The following PBK variants were observed in gnomAD, a reference collection of about 807,000 sequenced individuals.
The protein encoded by PBK is lymphokine-activated killer T-cell-originated protein kinase.
Under a neutral mutation model 33.5 loss-of-function variants are expected in PBK, and 22 were observed. The observed-to-expected ratio is 0.66, with a 90% CI of 0.47 to 0.94. The LOEUF (loss-of-function observed/expected upper bound fraction) is 0.94. Ranked by LOEUF, PBK falls within the 40% of genes least tolerant of loss-of-function variation. PBK has a pLI of 0.00. For missense variants in PBK, 376 were observed against 383.4 expected (o/e 0.98, Z 0.16); for synonymous variants, 129 against 123.8 (o/e 1.04, Z -0.28).
chr8:27,834,696 C>A (rs1806194640), intron 1 of PBK, among the ~76,000 whole-genome samples: 1 of 152,182 alleles, frequency 6.6e-6, no homozygotes, highest in South Asian at 2.1e-4. Flanking sequence ...GAGTTCAAGA[C>A]CAGCCTGGCC....
intron 6 of PBK, among the ~76,000 whole-genome samples, chr8:27,816,383 A>G (rs202069584): frequency 2.0e-5 from 1 of 48,900 alleles, no homozygotes; most frequent in Non-Finnish European, 4.5e-5. Flanking sequence ...ATTTATTTTA[A>G]TTTATTTTTT....
intron 1 of PBK, among the ~76,000 whole-genome samples, chr8:27,836,860 C>T (rs1806235850): frequency 6.6e-6 from 1 of 152,178 alleles, no homozygotes; most frequent in South Asian, 2.1e-4. Flanking sequence ...CTCAATGTAC[C>T]ATGTCCTATC....
chr8:27,820,689 C>A lies in PBK; in HGVS notation c.471G>T (p.Leu157=). The A allele has an allele frequency of 6.5e-7, 1 of 1,540,842 alleles. No homozygotes were observed. Among genetic ancestry groups the A allele is most frequent in the Admixed American group, 1.9e-5 (1 of 52,872 alleles). The change falls in exon 6 of 8, where the codon CTG becomes CTT. Residue 157 remains leucine, a synonymous_variant. Coordinates refer to ENST00000301905, the MANE Select transcript of PBK (RefSeq NM_018492.4). ...CATGAAGCAGTTTCTTTTCTTGGTGCAGATACTAAAATAGTAAAAAATTTA... is the reference window on the plus strand; with the variant it reads ...CATGAAGCAGTTTCTTTTCTTGGTGAAGATACTAAAATAGTAAAAAATTTA... ...ALNMARGLKY[L]HQEKKLLHGD... is the part of the protein sequence containing the mutation.
intron 6 of PBK, among the ~76,000 whole-genome samples, chr8:27,812,921 A>C (rs544292805): frequency 6.6e-6 from 1 of 152,324 alleles, no homozygotes; most frequent in African/African-American, 2.4e-5. Flanking sequence ...GCAATCCCTC[A>C]AGGATCTAGA....
intron 3 of PBK, 132 bp downstream of exon 3, chr8:27,827,973 T>A: frequency 1.9e-6 from 1 of 527,852 alleles, no homozygotes; most frequent in Admixed American, 3.0e-5. Context: ...GGGACCGGAA[T>A]ACAGCCATCA....
In PBK at chr8:27,832,263, C is replaced by T. The variant is rs138014340; in HGVS notation, c.58+793G>A. Reference sequence around the variant, plus strand: ...CTCTACAAAGTTCAATACCCACTCACGATAATAACTAGAAATAGAAGAAAA... The same window carrying T: ...CTCTACAAAGTTCAATACCCACTCATGATAATAACTAGAAATAGAAGAAAA... On this transcript the variant is annotated intron_variant, in intron 2 of 7. Transcript: ENST00000301905. Among the ~76,000 whole-genome samples the T allele has an allele frequency of 2.3e-3, 354 of 152,184 alleles. 5 individuals are homozygous for T. Among genetic ancestry groups the T allele is most frequent in the Non-Finnish European group, 2.5e-3 (170 of 68,000 alleles).
At chr8:27,819,716 A>G (rs1037179136) in intron 6 of PBK, among the ~76,000 whole-genome samples, 1 of 152,240 alleles carries the variant, frequency 6.6e-6, no homozygotes, top group Non-Finnish European at 1.5e-5. Context: ...TGTTTGCTCT[A>G]TTAAGCATTG....
At chr8:27,822,773 T>G (rs1805954711) in intron 4 of PBK, among the ~76,000 whole-genome samples, 2 of 152,154 alleles carry the variant, frequency 1.3e-5, no homozygotes, top group African/African-American at 4.8e-5. Context: ...TCCAGGAAAT[T>G]ACCTAAATGG....
At position 27,810,076 on chromosome 8, in the gene PBK, G is replaced by C; in HGVS notation, c.*229C>G. The C allele has an allele frequency of 2.0e-6, 1 of 496,932 alleles. No individual in the cohort carries two copies. Among genetic ancestry groups the C allele is most frequent in the Non-Finnish European group, 3.5e-6 (1 of 283,642 alleles). 30.8% of individuals were successfully genotyped at this position (496,932 alleles called of 1,614,324 possible). ...TTAAGTCAGCATGAGCAGTATCAAA[G>C]TACTTATGTAGCTAGTTTCTAAAAC... is the stretch of plus-strand genomic sequence containing the variant. On this transcript the variant is annotated 3_prime_UTR_variant, in exon 8 of 8. Transcript: ENST00000301905.
intron 6 of PBK, among the ~76,000 whole-genome samples, chr8:27,811,700 T>C (rs1356418073): frequency 6.6e-6 from 1 of 152,160 alleles, no homozygotes; most frequent in East Asian, 1.9e-4. Context: ...AAAATTCTCA[T>C]TAGGATTGGA....
chr8:27,833,577 G>A (rs988670736), intron 1 of PBK, among the ~76,000 whole-genome samples: 4 of 150,962 alleles, frequency 2.6e-5, no homozygotes, highest in Admixed American at 2.6e-4. Context: ...AGCTAAAAAG[G>A]ACCTCAACAA....
intron 1 of PBK, among the ~76,000 whole-genome samples, chr8:27,835,775 G>A (rs1431653578): frequency 3.3e-5 from 5 of 152,112 alleles, no homozygotes; most frequent in African/African-American, 4.8e-5. Context: ...GGCCTCAAAC[G>A]TGACCTTAGG....
At chr8:27,820,719 A>G (rs755132459) in intron 5 of PBK, 25 bp from the exon 6 acceptor site, 3 of 1,385,566 alleles carry the variant, frequency 2.2e-6, no homozygotes, top group East Asian at 2.3e-5. Context: ...AATTTAACAC[A>G]TATGTGCAGA....
At chr8:27,812,047 C>G (rs6997451) in intron 6 of PBK, 11 of 151,892 alleles carry the variant, frequency 7.2e-5, no homozygotes, top group Non-Finnish European at 1.6e-4. Flanking sequence ...AGTTTCGTCT[C>G]CTTTCCAATT....
chr8:27,826,579 G>A (rs1585431513), intron 3 of PBK, among the ~76,000 whole-genome samples: 2 of 145,338 alleles, frequency 1.4e-5, no homozygotes, highest in Admixed American at 6.8e-5. Flanking sequence ...GGCGGATCAC[G>A]AGGTCAGGAG....
chr8:27,816,378 TTTTAA>T (rs68126802), intron 6 of PBK, among the ~76,000 whole-genome samples: 60,408 of 144,728 alleles, frequency 0.42, 13,172 homozygotes, highest in East Asian at 0.62. Context: ...TATTTATTTA[TTTTAA>T]TTTATTTTTT....
chr8:27,813,118 C>A (rs1193174597), intron 6 of PBK, among the ~76,000 whole-genome samples: 1 of 152,188 alleles, frequency 6.6e-6, no homozygotes, highest in East Asian at 1.9e-4. Flanking sequence ...CACATATACA[C>A]CATGGAATAC....
At position 27,822,307 on chromosome 8, in the gene PBK, T is replaced by C; in HGVS notation, c.465+12A>G. 1 of 1,550,962 alleles carries C rather than the reference T, an allele frequency of 6.4e-7. No individual in the cohort carries two copies. Among genetic ancestry groups the C allele is most frequent in the Non-Finnish European group, 8.8e-7 (1 of 1,136,454 alleles). The stretch of plus-strand genomic sequence containing the variant: ...AAAACAGAAGTCATTTAAAATATAA[T>C]GACATAGTTACCTTTAACCCTCTTG... On this transcript the variant is annotated intron_variant, in intron 5 of 7. Coordinates refer to ENST00000301905, the MANE Select transcript of PBK (RefSeq NM_018492.4).
At chr8:27,819,582 C>T (rs1805880367) in intron 6 of PBK, among the ~76,000 whole-genome samples, 1 of 151,944 alleles carries the variant, frequency 6.6e-6, no homozygotes, top group Admixed American at 6.5e-5. Context: ...TTAGACTATT[C>T]ATACTTTTTA....
Sources: gnomAD v4.1 joint callset for allele counts (sites outside exome capture counted in the v4.1 genomes callset) on GRCh38, gnomAD v4.1.1 for gene constraint, MANE v1.5 for transcripts, NCBI Gene and HGNC (gene_info 2026-07-23, HGNC 2026-07-21) for gene names.